The following MCF2L2 variants were observed in gnomAD, a reference collection of about 807,000 sequenced individuals.
The protein encoded by MCF2L2 is probable guanine nucleotide exchange factor MCF2L2.
In MCF2L2, 102 loss-of-function variants were observed where a neutral mutation model predicts 150.2. The ratio of observed to expected loss-of-function variants is 0.68; its 90% CI spans 0.58 to 0.80. The LOEUF (loss-of-function observed/expected upper bound fraction) is 0.80, where lower values mean the gene tolerates loss of function less well. Ranked by LOEUF, MCF2L2 falls within the 30% of genes least tolerant of loss-of-function variation. The pLI is 0.00. For missense variants in MCF2L2, 1,256 were observed against 1,372.8 expected (o/e 0.91, Z 1.34); for synonymous variants, 465 against 491.3 (o/e 0.95, Z 0.71).
intron 27 of MCF2L2, among the ~76,000 whole-genome samples, chr3:183,185,363 G>GTA (rs1465309303): frequency 6.6e-6 from 1 of 152,244 alleles, no homozygotes; most frequent in African/African-American, 2.4e-5. Flanking sequence ...GAACCAGGGG[G>GTA]TAACTAACTG....
In MCF2L2 at chr3:183,389,726, G is replaced by A; in HGVS notation, c.130C>T (p.Gln44Ter). Reference sequence around the variant, plus strand: ...AGAATGGCAAATTGTCTGTGAAGTTGTTCTATTATCTCCACCGCCATCAGG... The same window carrying A: ...AGAATGGCAAATTGTCTGTGAAGTTATTCTATTATCTCCACCGCCATCAGG... ...RPLMAVEIIE[Q>*]LHRQFAILSG... is the part of the protein sequence containing the mutation. The change falls in exon 2 of 30, where the codon CAA becomes TAA. Residue 44 changes from glutamine (Q) to a stop codon, truncating the protein, a stop_gained. Transcript: ENST00000328913. LOFTEE classifies it high-confidence loss of function. 6 of 1,614,118 alleles carry A rather than the reference G, an allele frequency of 3.7e-6. No homozygotes were observed. Among genetic ancestry groups the A allele is most frequent in the Non-Finnish European group, 5.1e-6 (6 of 1,179,982 alleles).
rs1229041253 is a variant in MCF2L2 at position 183,283,814 on chromosome 3, G to A, written c.1776+5306C>T. Among the ~76,000 whole-genome samples, 3 of 152,072 alleles carry A rather than the reference G, an allele frequency of 2.0e-5. No homozygotes were observed. Among genetic ancestry groups the A allele is most frequent in the South Asian group, 2.1e-4 (1 of 4,826 alleles). On this transcript the variant is annotated intron_variant, in intron 14 of 29. Coordinates refer to ENST00000328913, the MANE Select transcript of MCF2L2 (RefSeq NM_015078.4). This position sits in a 1 kb window ranked among gnomAD's most constrained non-coding sequence, Gnocchi z 4.2. ...TGGGATTACAGGTGTGAGCCACCAC[G>A]ACCAGCCTTATTTATTCTTTAGAGT...
chr3:183,394,774 A>G (rs769492614), intron 1 of MCF2L2, among the ~76,000 whole-genome samples: 15 of 152,236 alleles, frequency 9.9e-5, no homozygotes, highest in Non-Finnish European at 1.3e-4. Flanking sequence ...AAACTTAAAC[A>G]GCAACAAAAT....
intron 1 of MCF2L2, among the ~76,000 whole-genome samples, chr3:183,395,218 T>C (rs1714369385): frequency 6.6e-6 from 1 of 152,224 alleles, no homozygotes; most frequent in Non-Finnish European, 1.5e-5. Flanking sequence ...GTGATGTTTT[T>C]ACCAGAGTGA....
intron 3 of MCF2L2, among the ~76,000 whole-genome samples, chr3:183,349,521 A>G (rs1482737215): frequency 6.6e-6 from 1 of 152,214 alleles, no homozygotes; most frequent in African/African-American, 2.4e-5. Flanking sequence ...AGAATGAGCA[A>G]AACAGTTCTG....
At chr3:183,398,192 T>C (rs575730828) in intron 1 of MCF2L2, among the ~76,000 whole-genome samples, 77 of 152,308 alleles carry the variant, frequency 5.1e-4, no homozygotes, top group African/African-American at 1.7e-3. Flanking sequence ...CACCCACCCC[T>C]TTACCTTCAG....
chr3:183,403,501 T>C (rs1321835606), intron 1 of MCF2L2, among the ~76,000 whole-genome samples: 1 of 152,130 alleles, frequency 6.6e-6, no homozygotes, highest in African/African-American at 2.4e-5. Context: ...AAGAGGCAAA[T>C]GGGCCTATGA....
chr3:183,249,384 G>C (rs562930732), intron 15 of MCF2L2, among the ~76,000 whole-genome samples: 190 of 152,362 alleles, frequency 1.2e-3, no homozygotes, highest in Admixed American at 2.0e-3. Flanking sequence ...GAGGGTCCCA[G>C]CCAGCAGGGC....
chr3:183,422,065 A>G, intron 1 of MCF2L2, among the ~76,000 whole-genome samples: 1 of 152,224 alleles, frequency 6.6e-6, no homozygotes, highest in African/African-American at 2.4e-5. Context: ...GCCCTGGGGC[A>G]TAAAATTGCT....
chr3:183,332,217 G>A (rs1357516439), intron 5 of MCF2L2, among the ~76,000 whole-genome samples: 1 of 152,172 alleles, frequency 6.6e-6, no homozygotes, highest in African/African-American at 2.4e-5. Context: ...TTCAGACTCT[G>A]CCGTTTCTGG....
intron 15 of MCF2L2, chr3:183,266,173 G>A (rs1255767972): frequency 6.6e-6 from 1 of 152,238 alleles, no homozygotes; most frequent in East Asian, 1.9e-4. Flanking sequence ...CCTTTAATGA[G>A]TCAGATAGAT....
chr3:183,320,537 T>C (rs1260289987), intron 6 of MCF2L2, among the ~76,000 whole-genome samples: 1 of 152,166 alleles, frequency 6.6e-6, no homozygotes, highest in Non-Finnish European at 1.5e-5. Flanking sequence ...GCTTCAAACT[T>C]TTCTTCTGCA....
At chr3:183,233,018 A>G (rs1723628309) in intron 15 of MCF2L2, among the ~76,000 whole-genome samples, 1 of 152,154 alleles carries the variant, frequency 6.6e-6, no homozygotes, top group African/African-American at 2.4e-5. Context: ...TTCAACAACA[A>G]CCAGATATAA....
chr3:183,325,229 G>A (rs1385635866), intron 5 of MCF2L2, among the ~76,000 whole-genome samples: 1 of 151,470 alleles, frequency 6.6e-6, no homozygotes, highest in African/African-American at 2.4e-5. Flanking sequence ...TAACAAACCT[G>A]CACATTGTGC....
chr3:183,307,370 G>T (rs532898391), intron 10 of MCF2L2, among the ~76,000 whole-genome samples: 1 of 152,218 alleles, frequency 6.6e-6, no homozygotes, highest in Non-Finnish European at 1.5e-5. Context: ...TATTGAAAAC[G>T]ATCTCAGTTA....
At position 183,311,772 on chromosome 3, in the gene MCF2L2, C is replaced by T; in HGVS notation, c.754G>A (p.Asp252Asn). ...TGCTTTCCAAGTAATTTCAGCTCATCCTAGAAAATAAAAGTAGTCTCTCTT... is the reference window on the plus strand; with the variant it reads ...TGCTTTCCAAGTAATTTCAGCTCATTCTAGAAAATAAAAGTAGTCTCTCTT... Reference protein sequence around the residue: ...SHTRQRDKLQDELKLLGKQGT... With the variant: ...SHTRQRDKLQNELKLLGKQGT... The change falls in exon 8 of 30, where the codon GAT (aspartate) becomes AAT (asparagine). Residue 252 changes from aspartate (D) to asparagine (N), a missense_variant and splice_region_variant. Asp to Asn is a conservative substitution (Grantham distance 23). Coordinates refer to ENST00000328913, the MANE Select transcript of MCF2L2 (RefSeq NM_015078.4). 6.2e-7 allele frequency: 1 copy of T among 1,612,588 alleles called. No homozygotes were observed. The highest frequency in any genetic ancestry group is 8.5e-7 in the Non-Finnish European group (1 of 1,179,574).
intron 15 of MCF2L2, among the ~76,000 whole-genome samples, chr3:183,261,961 TAAA>T (rs59219335): frequency 2.7e-5 from 3 of 112,098 alleles, no homozygotes; most frequent in Admixed American, 9.6e-5. Flanking sequence ...TGTCCAGCAT[TAAA>T]AAAAAAAAAA....
chr3:183,216,572 ATATATATATTTTTTTTTTTTTTTTTTTTT>A (rs1722938050), intron 21 of MCF2L2, among the ~76,000 whole-genome samples: 4 of 19,094 alleles, frequency 2.1e-4, no homozygotes, highest in African/African-American at 3.9e-4. Context: ...ATATATATAT[ATATATATATTTTTTTTTTTTTTTTTTTTT>A]TTTTTTTTTT....
intron 1 of MCF2L2, among the ~76,000 whole-genome samples, chr3:183,423,523 T>C (rs1425873151): frequency 6.6e-6 from 1 of 151,908 alleles, no homozygotes; most frequent in East Asian, 1.9e-4. Flanking sequence ...GATCAAAATG[T>C]AAAATAATTA....
Sources: gnomAD v4.1 joint callset for allele counts (sites outside exome capture counted in the v4.1 genomes callset) on GRCh38, gnomAD v4.1.1 for gene constraint, Gnocchi (gnomAD v3.1) non-coding constraint, MANE v1.5 for transcripts, NCBI Gene and HGNC (gene_info 2026-07-23, HGNC 2026-07-21) for gene names.